The following NBEA variants were observed in gnomAD, a reference collection of about 807,000 sequenced individuals.
NBEA encodes the protein neurobeachin.
Under a neutral mutation model 343.4 loss-of-function variants are expected in NBEA, and 44 were observed. The ratio of observed to expected loss-of-function variants is 0.13; its 90% CI spans 0.10 to 0.16. NBEA has a LOEUF of 0.16. NBEA is among the 10% of genes least tolerant of loss of function. NBEA has a pLI of 1.00. For missense variants in NBEA, 2,555 were observed against 3,631.3 expected, an observed-to-expected ratio of 0.70 and a Z score of 7.62; for synonymous variants, 1,175 against 1,238.7, an observed-to-expected ratio of 0.95 and a Z score of 1.08.
intron 34 of NBEA, among the ~76,000 whole-genome samples, chr13:35,237,931 A>G (rs984144183): frequency 2.6e-5 from 4 of 152,066 alleles, no homozygotes; most frequent in Non-Finnish European, 4.4e-5. Context: ...TGATTGTATC[A>G]TTCTAGAACA....
chr13:35,266,885 TAAC>T (rs1346776695), intron 34 of NBEA, among the ~76,000 whole-genome samples: 5 of 151,944 alleles, frequency 3.3e-5, no homozygotes, highest in African/African-American at 1.2e-4. Context: ...CCCCAAAACT[TAAC>T]TACTACTAGC....
intron 1 of NBEA, among the ~76,000 whole-genome samples, chr13:34,996,237 A>C (rs1459467600): frequency 1.3e-5 from 2 of 152,222 alleles, no homozygotes; most frequent in African/African-American, 4.8e-5. Context: ...AGCAATCCTG[A>C]ATAATTAAAT....
At chr13:35,242,482 G>C (rs2030475122) in intron 34 of NBEA, among the ~76,000 whole-genome samples, 1 of 151,820 alleles carries the variant, frequency 6.6e-6, no homozygotes, top group Non-Finnish European at 1.5e-5. Flanking sequence ...AAAGGGCAGA[G>C]AGCGTATTTG....
chr13:35,514,340 G>C (rs2077400093), intron 41 of NBEA, among the ~76,000 whole-genome samples: 1 of 152,162 alleles, frequency 6.6e-6, no homozygotes, highest in South Asian at 2.1e-4. Context: ...CCAGTCAGCA[G>C]GTCATTAACT....
chr13:35,450,393 A>G (rs1196794163), intron 39 of NBEA, among the ~76,000 whole-genome samples: 1 of 152,158 alleles, frequency 6.6e-6, no homozygotes, highest in Non-Finnish European at 1.5e-5. Context: ...AAGCTGAGGC[A>G]GAATGATTGC....
intron 38 of NBEA, among the ~76,000 whole-genome samples, chr13:35,401,382 A>G (rs2042996277): frequency 6.6e-6 from 1 of 152,046 alleles, no homozygotes; most frequent in Non-Finnish European, 1.5e-5. Flanking sequence ...ACAACACATT[A>G]CAAAGTATAA....
At chr13:35,431,195 T>C (rs1320324672) in intron 38 of NBEA, among the ~76,000 whole-genome samples, 1 of 152,188 alleles carries the variant, frequency 6.6e-6, no homozygotes, top group South Asian at 2.1e-4. Flanking sequence ...AGAAATATAA[T>C]GATGAGCAAA....
intron 41 of NBEA, among the ~76,000 whole-genome samples, chr13:35,521,721 G>C (rs1318850606): frequency 1.3e-5 from 2 of 152,198 alleles, no homozygotes; most frequent in African/African-American, 4.8e-5. Context: ...ATTCCAAGGA[G>C]AGGGAATTTG....
intron 16 of NBEA, among the ~76,000 whole-genome samples, chr13:35,119,467 A>G (rs1188455406): frequency 6.6e-6 from 1 of 152,202 alleles, no homozygotes; most frequent in Non-Finnish European, 1.5e-5. Flanking sequence ...AGCAATCACT[A>G]TCTCTTTATG....
chr13:35,401,639 A>G (rs2043006558), intron 38 of NBEA, among the ~76,000 whole-genome samples: 1 of 152,068 alleles, frequency 6.6e-6, no homozygotes, highest in South Asian at 2.1e-4. Context: ...GCTCTTTTAC[A>G]AAGGGTCATT....
At chr13:34,981,992 T>C (rs2060372194) in intron 1 of NBEA, among the ~76,000 whole-genome samples, 1 of 151,924 alleles carries the variant, frequency 6.6e-6, no homozygotes, top group Non-Finnish European at 1.5e-5. Context: ...GCTTATGGTT[T>C]ATCAACATTA....
At chr13:35,387,232 G>A (rs559632055) in intron 38 of NBEA, among the ~76,000 whole-genome samples, 10 of 152,030 alleles carry the variant, frequency 6.6e-5, no homozygotes, top group African/African-American at 1.7e-4. Flanking sequence ...ATTCAATTTC[G>A]CATTACAAAA....
chr13:35,607,262 G>A (rs541061786), intron 48 of NBEA, among the ~76,000 whole-genome samples: 1 of 152,054 alleles, frequency 6.6e-6, no homozygotes, highest in South Asian at 2.1e-4. Flanking sequence ...TCACTATGTT[G>A]CACGCACTGA....
At chr13:35,441,504 A>G (rs1408169456) in intron 39 of NBEA, among the ~76,000 whole-genome samples, 2 of 152,152 alleles carry the variant, frequency 1.3e-5, no homozygotes, top group Non-Finnish European at 2.9e-5. Context: ...GATATGCCAT[A>G]TCCCAAATGA....
intron 40 of NBEA, among the ~76,000 whole-genome samples, chr13:35,471,014 CGG>C (rs2075619338): frequency 6.6e-6 from 1 of 152,178 alleles, no homozygotes; most frequent in Admixed American, 6.5e-5. Flanking sequence ...CCGCGAGCCC[CGG>C]GGGCTCATCG....
At chr13:35,218,007 C>T (rs577014591) in intron 33 of NBEA, among the ~76,000 whole-genome samples, 18 of 152,090 alleles carry the variant, frequency 1.2e-4, no homozygotes, top group East Asian at 3.9e-4. Flanking sequence ...TCACCTTGGC[C>T]GTTTTGAACT....
At chr13:35,554,631 T>A (rs1254750121) in intron 43 of NBEA, among the ~76,000 whole-genome samples, 1 of 152,218 alleles carries the variant, frequency 6.6e-6, no homozygotes, top group Non-Finnish European at 1.5e-5. Flanking sequence ...ACTACCTACC[T>A]ACCTACCTAA....
chr13:35,105,996 T>G (rs1460555039), intron 11 of NBEA, among the ~76,000 whole-genome samples: 1 of 152,058 alleles, frequency 6.6e-6, no homozygotes, highest in Non-Finnish European at 1.5e-5. Context: ...CTTTGTAACC[T>G]CTAGTGCTCC....
intron 48 of NBEA, among the ~76,000 whole-genome samples, chr13:35,625,054 T>C (rs2083162289): frequency 6.6e-6 from 1 of 152,140 alleles, no homozygotes; most frequent in Non-Finnish European, 1.5e-5. Context: ...CCATATCTAA[T>C]ATCATATATG....
Sources: allele counts gnomAD v4.1 joint callset (sites outside exome capture counted in the v4.1 genomes callset), GRCh38; gene constraint gnomAD v4.1.1; transcripts MANE v1.5; gene names NCBI Gene and HGNC (gene_info 2026-07-23, HGNC 2026-07-21).